The following SLCO6A1 variants were observed in gnomAD, a reference collection of about 807,000 sequenced individuals.
SLCO6A1 encodes cancer/testis antigen 48.
In SLCO6A1, 65 loss-of-function variants were observed where a neutral mutation model predicts 72.7. The ratio of observed to expected loss-of-function variants is 0.89; its 90% CI spans 0.73 to 1.10. The LOEUF (loss-of-function observed/expected upper bound fraction) is 1.10. Ranked by LOEUF, SLCO6A1 falls within the 50% of genes least tolerant of loss-of-function variation. The pLI, the probability that SLCO6A1 is intolerant of heterozygous loss-of-function variation, is 0.00. For missense variants in SLCO6A1, 874 were observed against 872.6 expected, an observed-to-expected ratio of 1.00 and a Z score of -0.02; for synonymous variants, 314 against 298.2, an observed-to-expected ratio of 1.05 and a Z score of -0.55.
At chr5:102,443,207 G>A (rs1749939078) in intron 6 of SLCO6A1, among the ~76,000 whole-genome samples, 2 of 151,658 alleles carry the variant, frequency 1.3e-5, no homozygotes, top group Non-Finnish European at 2.9e-5. Flanking sequence ...AAAAAAAGAC[G>A]GAAAAAAAGA....
intron 8 of SLCO6A1, among the ~76,000 whole-genome samples, chr5:102,416,690 T>C (rs923798551): frequency 2.6e-5 from 4 of 152,168 alleles, no homozygotes; most frequent in Admixed American, 6.6e-5. Flanking sequence ...ATCTCACCTA[T>C]GCCTGTAACA....
At chr5:102,449,587 C>A (rs978431549) in intron 6 of SLCO6A1, among the ~76,000 whole-genome samples, 13 of 152,154 alleles carry the variant, frequency 8.5e-5, no homozygotes, top group Non-Finnish European at 1.9e-4. Context: ...GGGGTTTCAC[C>A]GTGTTACCCA....
chr5:102,445,553 T>C (rs1014565415), intron 6 of SLCO6A1, among the ~76,000 whole-genome samples: 1 of 152,224 alleles, frequency 6.6e-6, no homozygotes, highest in Non-Finnish European at 1.5e-5. Flanking sequence ...TAGTTTCTTT[T>C]GCTGTGCAGA....
chr5:102,422,249 GA>G (rs1748648277), intron 7 of SLCO6A1, among the ~76,000 whole-genome samples: 1 of 152,150 alleles, frequency 6.6e-6, no homozygotes, highest in East Asian at 1.9e-4. Context: ...ACCAGCAAGG[GA>G]ACACAAATGG....
rs1753045943 is a variant in SLCO6A1 at position 102,498,922 on chromosome 5, C to T, written c.-78G>A. On this transcript the variant is annotated 5_prime_UTR_variant, in exon 1 of 14. Coordinates refer to ENST00000506729, the MANE Select transcript of SLCO6A1 (RefSeq NM_173488.5). ...GTCCTGCCTGGGCCAACCCAAAGGC[C>T]AGCCTGGCGAGGGCGTCGGAGGACT... 10 of 1,397,030 alleles carry T rather than the reference C, an allele frequency of 7.2e-6. No individual in the cohort carries two copies. The highest frequency in any genetic ancestry group is 9.7e-6 in the Non-Finnish European group (10 of 1,035,238). 86.5% of individuals were successfully genotyped at this position (1,397,030 alleles called of 1,614,324 possible).
intron 9 of SLCO6A1, among the ~76,000 whole-genome samples, chr5:102,412,483 C>T (rs1209701012): frequency 6.6e-6 from 1 of 152,088 alleles, no homozygotes; most frequent in African/African-American, 2.4e-5. Flanking sequence ...TTGCCAGGCA[C>T]GGTGACTCAC....
intron 12 of SLCO6A1, among the ~76,000 whole-genome samples, chr5:102,383,480 T>C (rs1746238718): frequency 1.3e-5 from 2 of 151,710 alleles, no homozygotes; most frequent in African/African-American, 2.4e-5. Flanking sequence ...CTTTATTTTA[T>C]TATGGAATAT....
At chr5:102,372,346 C>A (rs1453963837) in intron 13 of SLCO6A1, among the ~76,000 whole-genome samples, 1 of 151,888 alleles carries the variant, frequency 6.6e-6, no homozygotes, top group Non-Finnish European at 1.5e-5. Flanking sequence ...ATGTTAATAA[C>A]AGAGGAGAAA....
At chr5:102,400,433 G>A (rs184216873) in intron 9 of SLCO6A1, among the ~76,000 whole-genome samples, 7 of 152,036 alleles carry the variant, frequency 4.6e-5, no homozygotes, top group Admixed American at 4.6e-4. Context: ...AAGAGAGCAC[G>A]AAGGCAAAAG....
intron 6 of SLCO6A1, among the ~76,000 whole-genome samples, chr5:102,440,508 A>G (rs1436394725): frequency 1.3e-5 from 2 of 152,142 alleles, no homozygotes; most frequent in East Asian, 1.9e-4. Flanking sequence ...CACTGATTCT[A>G]CTTTATGGTG....
At chr5:102,388,199 C>A (rs1251905673) in intron 12 of SLCO6A1, among the ~76,000 whole-genome samples, 1 of 152,072 alleles carries the variant, frequency 6.6e-6, no homozygotes, top group Non-Finnish European at 1.5e-5. Context: ...AAAATTATTT[C>A]CCAAACTAAA....
At chr5:102,484,056 C>T (rs1398160817) in intron 1 of SLCO6A1, among the ~76,000 whole-genome samples, 1 of 152,188 alleles carries the variant, frequency 6.6e-6, no homozygotes, top group Non-Finnish European at 1.5e-5. Flanking sequence ...CTTCTGTAAA[C>T]TTTTCAATGC....
chr5:102,490,376 TTA>T (rs1415130993), intron 1 of SLCO6A1, among the ~76,000 whole-genome samples: 166 of 152,360 alleles, frequency 1.1e-3, no homozygotes, highest in African/African-American at 3.8e-3. Flanking sequence ...TGTACAATTA[TTA>T]TATGTCAATT....
chr5:102,444,103 G>A (rs1355428983), intron 6 of SLCO6A1, among the ~76,000 whole-genome samples: 2 of 152,172 alleles, frequency 1.3e-5, no homozygotes, highest in African/African-American at 2.4e-5. Context: ...TCTGAAATAA[G>A]AGTAGGATCT....
chr5:102,463,878 C>T (rs139428425), intron 4 of SLCO6A1, among the ~76,000 whole-genome samples: 2,294 of 143,592 alleles, frequency 0.016, 58 homozygotes, highest in African/African-American at 0.056. Context: ...AAGAGTGAAA[C>T]TCCGTCTCAA....
intron 4 of SLCO6A1, among the ~76,000 whole-genome samples, chr5:102,468,770 T>C (rs1751439693): frequency 6.6e-6 from 1 of 152,118 alleles, no homozygotes; most frequent in Non-Finnish European, 1.5e-5. Flanking sequence ...CTTCGTTTTC[T>C]TCTAGGGTTT....
intron 5 of SLCO6A1, 75 bp downstream of exon 5, chr5:102,459,581 T>C (rs1750914767): frequency 3.5e-6 from 5 of 1,418,672 alleles, no homozygotes; most frequent in African/African-American, 1.5e-5. Flanking sequence ...TGTAATACAG[T>C]CATTCTATGA....
At position 102,475,388 on chromosome 5, in the gene SLCO6A1, TAGTC is replaced by T. The variant is rs537760860; in HGVS notation, c.899+305_899+308del. 2.2e-3 allele frequency among the ~76,000 whole-genome samples: 329 copies of T among 152,158 alleles called. 3 individuals are homozygous for T. The highest frequency in any genetic ancestry group is 7.3e-3 in the African/African-American group (302 of 41,548). On this transcript the variant is annotated intron_variant, in intron 4 of 13. Transcript: ENST00000506729. ...TTCCAGTTTTATAAGGTGTCTAAAA[TAGTC>T]AGACTCTCAGAAAACAAAAGTAGAA...
chr5:102,453,868 C>T (rs1188017301), intron 6 of SLCO6A1, among the ~76,000 whole-genome samples: 5 of 152,118 alleles, frequency 3.3e-5, no homozygotes, highest in Non-Finnish European at 4.4e-5. Context: ...GATTGGATCA[C>T]ATATTCAAGT....
Sources: allele counts gnomAD v4.1 joint callset (sites outside exome capture counted in the v4.1 genomes callset), GRCh38; gene constraint gnomAD v4.1.1; transcripts MANE v1.5; gene names NCBI Gene and HGNC (gene_info 2026-07-23, HGNC 2026-07-21).